CEP128: variants seen among roughly 807,000 people sequenced by gnomAD.
CEP128 encodes the protein centrosomal protein 128kDa.
Under a neutral mutation model 156.7 loss-of-function variants are expected in CEP128, and 132 were observed. The ratio of observed to expected loss-of-function variants is 0.84; its 90% CI spans 0.73 to 0.97. The LOEUF is 0.97. CEP128 is among the 50% of genes least tolerant of loss of function. The probability of loss-of-function intolerance (pLI) is 0.00; values close to 1 mark genes in which losing one functional copy is unlikely to be tolerated. For missense variants in CEP128, 1,252 were observed against 1,281.9 expected (o/e 0.98, Z 0.36); for synonymous variants, 469 against 448.9 (o/e 1.04, Z -0.57).
chr14:80,941,903 C>T (rs1376739731), upstream of CEP128: 1 of 152,130 alleles, frequency 6.6e-6, no homozygotes, highest in Non-Finnish European at 1.5e-5. Context: ...GGGTAACTTT[C>T]CCGGATAAAA....
At chr14:80,627,292 T>G (rs187830151) in intron 19 of CEP128, among the ~76,000 whole-genome samples, 14 of 152,356 alleles carry the variant, frequency 9.2e-5, no homozygotes, top group African/African-American at 3.4e-4. Flanking sequence ...TGAGCACAAC[T>G]GTCCCAAGTC....
chr14:80,895,774 T>G lies in CEP128; in HGVS notation c.589A>C (p.Lys197Gln). The change falls in exon 8 of 25, where the codon AAA becomes CAA. Residue 197 changes from lysine to glutamine, a missense_variant. Lys to Gln is a moderately conservative substitution (Grantham distance 53). Coordinates refer to ENST00000555265, the MANE Select transcript of CEP128 (RefSeq NM_152446.5). ...SRRSRSDAETKRALEELTEKL... is the reference protein window; with the variant it reads ...SRRSRSDAETQRALEELTEKL... ...TCAGTCAATTCTTCCAAAGCCCTTT[T>G]TGTTTCGGCATCTGACCTAGGAAGA... The G allele has an allele frequency of 6.4e-7, 1 of 1,561,426 alleles. No individual in the cohort carries two copies. The highest frequency in any genetic ancestry group is 8.7e-7 in the Non-Finnish European group (1 of 1,153,588).
At chr14:80,871,991 C>T (rs551121292) in intron 8 of CEP128, among the ~76,000 whole-genome samples, 1 of 152,210 alleles carries the variant, frequency 6.6e-6, no homozygotes, top group Admixed American at 6.5e-5. Flanking sequence ...ATATATCCTG[C>T]TGCTGTGATC....
intron 21 of CEP128, among the ~76,000 whole-genome samples, chr14:80,533,737 T>G (rs1445166348): frequency 6.6e-6 from 1 of 152,192 alleles, no homozygotes; most frequent in Non-Finnish European, 1.5e-5. Context: ...CACTTGTGGC[T>G]TATTTTATAT....
chr14:80,548,564 G>A (rs901363872), intron 21 of CEP128, among the ~76,000 whole-genome samples: 1 of 152,120 alleles, frequency 6.6e-6, no homozygotes, highest in Non-Finnish European at 1.5e-5. Context: ...TTTCTTACAT[G>A]TGTTGTATTT....
intron 7 of CEP128, among the ~76,000 whole-genome samples, chr14:80,899,384 A>G (rs1341812554): frequency 9.2e-5 from 14 of 152,220 alleles, no homozygotes; most frequent in Non-Finnish European, 1.5e-5. Context: ...GCCACCTGCC[A>G]CTGGTGATGA....
At chr14:80,582,780 A>C (rs1891645067) in intron 19 of CEP128, among the ~76,000 whole-genome samples, 6 of 152,084 alleles carry the variant, frequency 3.9e-5, no homozygotes, top group Admixed American at 3.9e-4. Context: ...TATTTGTGAG[A>C]TATAAGATCA....
intron 8 of CEP128, among the ~76,000 whole-genome samples, chr14:80,890,074 G>A (rs1007352954): frequency 6.6e-6 from 1 of 152,190 alleles, no homozygotes; most frequent in Admixed American, 6.5e-5. Flanking sequence ...AAACCACAGT[G>A]AGATACCATC....
At chr14:80,612,878 GTCGC>G (rs1164538353) in intron 19 of CEP128, among the ~76,000 whole-genome samples, 1 of 151,832 alleles carries the variant, frequency 6.6e-6, no homozygotes, top group Non-Finnish European at 1.5e-5. Context: ...ATCTCGCTCT[GTCGC>G]CAGGCTGGAG....
chr14:80,527,817 A>G (rs1363904977), intron 22 of CEP128, among the ~76,000 whole-genome samples: 1 of 152,226 alleles, frequency 6.6e-6, no homozygotes, highest in Non-Finnish European at 1.5e-5. Flanking sequence ...TTAAAAACAT[A>G]AAAAGATTCA....
intron 19 of CEP128, among the ~76,000 whole-genome samples, chr14:80,674,919 A>C (rs1470661936): frequency 6.6e-6 from 1 of 152,114 alleles, no homozygotes; most frequent in East Asian, 1.9e-4. Context: ...AACCACCTGG[A>C]TAAACTTATA....
At chr14:80,501,641 A>G (rs1056345318) in intron 24 of CEP128, among the ~76,000 whole-genome samples, 4 of 151,926 alleles carry the variant, frequency 2.6e-5, no homozygotes, top group Non-Finnish European at 5.9e-5. Context: ...GGTAGCTGGG[A>G]CTACAGGCAC....
At chr14:80,612,561 C>A (rs1172368051) in intron 19 of CEP128, among the ~76,000 whole-genome samples, 2 of 152,136 alleles carry the variant, frequency 1.3e-5, no homozygotes, top group Non-Finnish European at 2.9e-5. Context: ...AGGATAATCA[C>A]ATTATTTGAG....
intron 1 of CEP128, among the ~76,000 whole-genome samples, chr14:80,940,389 T>C (rs534095288): frequency 6.6e-6 from 1 of 152,362 alleles, no homozygotes; most frequent in South Asian, 2.1e-4. Flanking sequence ...GTTTTAACCT[T>C]ATCTCTAGTG....
chr14:80,862,591 T>G (rs996962751), intron 9 of CEP128, among the ~76,000 whole-genome samples, 166 bp downstream of exon 9: 1 of 152,184 alleles, frequency 6.6e-6, no homozygotes, highest in African/African-American at 2.4e-5. Context: ...ACAGCAAGTA[T>G]GAAACCAGGG....
At chr14:80,939,666 T>C (rs1886039420) in intron 1 of CEP128, 126 bp from the exon 2 acceptor site, 3 of 152,230 alleles carry the variant, frequency 2.0e-5, no homozygotes, top group African/African-American at 7.2e-5. Context: ...AAAATGCTCC[T>C]AGAATGATTC....
At chr14:80,660,038 T>C (rs1201599631) in intron 19 of CEP128, among the ~76,000 whole-genome samples, 1 of 152,150 alleles carries the variant, frequency 6.6e-6, no homozygotes, top group Non-Finnish European at 1.5e-5. Context: ...GCAGATCTGA[T>C]GGCATGTGGT....
chr14:80,822,550 T>C (rs61738571), intron 13 of CEP128: 9,944 of 679,618 alleles, frequency 0.015, 110 homozygotes, highest in Middle Eastern at 0.032. Flanking sequence ...CTGAAGGGGA[T>C]GCTAAAGGAG....
At chr14:80,759,124 C>T (rs905628191) in intron 17 of CEP128, among the ~76,000 whole-genome samples, 1 of 152,198 alleles carries the variant, frequency 6.6e-6, no homozygotes, top group Non-Finnish European at 1.5e-5. Context: ...AATTCAGACA[C>T]TTTCCTAATT....
Sources: gnomAD v4.1 joint callset for allele counts (sites outside exome capture counted in the v4.1 genomes callset) on GRCh38, gnomAD v4.1.1 for gene constraint, MANE v1.5 for transcripts, NCBI Gene and HGNC (gene_info 2026-07-23, HGNC 2026-07-21) for gene names.